GRID2: variants seen among roughly 807,000 people sequenced by gnomAD.
GRID2 encodes the protein glutamate ionotropic receptor delta type subunit 2, also known as glutamate receptor ionotropic, delta-2.
Under a neutral mutation model 114.8 loss-of-function variants are expected in GRID2, and 33 were observed. The ratio of observed to expected loss-of-function variants is 0.29; its 90% CI spans 0.22 to 0.38. The LOEUF (loss-of-function observed/expected upper bound fraction) is 0.38, where lower values mean the gene tolerates loss of function less well. Ranked by LOEUF, GRID2 falls within the 10% of genes least tolerant of loss-of-function variation. The probability of loss-of-function intolerance (pLI) is 1.00; values close to 1 mark genes in which losing one functional copy is unlikely to be tolerated. For missense variants in GRID2, 1,184 were observed against 1,257.7 expected (o/e 0.94, Z 0.89); for synonymous variants, 505 against 449.9 (o/e 1.12, Z -1.55).
chr4:92,684,734 C>A (rs939173730), intron 2 of GRID2, among the ~76,000 whole-genome samples: 4 of 151,984 alleles, frequency 2.6e-5, no homozygotes, highest in African/African-American at 7.2e-5. Flanking sequence ...GCAGTTTTAT[C>A]TACTCTAAAG....
intron 9 of GRID2, among the ~76,000 whole-genome samples, chr4:93,413,749 CAT>C (rs1265228858): frequency 6.6e-6 from 1 of 152,000 alleles, no homozygotes; most frequent in Non-Finnish European, 1.5e-5. Context: ...TTTTTCTTCT[CAT>C]AAATAATATT....
chr4:92,848,500 G>A (rs987913146), intron 2 of GRID2, among the ~76,000 whole-genome samples: 6 of 151,830 alleles, frequency 4.0e-5, no homozygotes, highest in Non-Finnish European at 7.4e-5. Context: ...AGCAACAAAC[G>A]ATCATCATGA....
intron 8 of GRID2, among the ~76,000 whole-genome samples, chr4:93,328,556 A>G (rs1758090950): frequency 6.6e-6 from 1 of 152,174 alleles, no homozygotes; most frequent in Admixed American, 6.6e-5. Flanking sequence ...ATTTATCACA[A>G]TCTAAAGCTA....
In GRID2 at chr4:93,418,032, C is replaced by T. The variant is rs748100943; in HGVS notation, c.1348-4739C>T. ...ATACTAGATAAATATTGATGTAATACGTAAAACCAAGTAATATTAACTTGT... is the reference window on the plus strand; with the variant it reads ...ATACTAGATAAATATTGATGTAATATGTAAAACCAAGTAATATTAACTTGT... On this transcript the variant is annotated intron_variant, in intron 9 of 15. Transcript: ENST00000282020. Among the ~76,000 whole-genome samples, 46 of 150,176 alleles carry T rather than the reference C, an allele frequency of 3.1e-4. 1 individual carries two copies. Among genetic ancestry groups the T allele is most frequent in the East Asian group, 1.9e-4 (1 of 5,132 alleles).
At chr4:93,113,467 A>G (rs17020188) in intron 4 of GRID2, among the ~76,000 whole-genome samples, 8,874 of 152,244 alleles carry the variant, frequency 0.058, 433 homozygotes, top group East Asian at 0.19. Context: ...CAGGAAAAAG[A>G]TCAGTGCTCG....
At chr4:93,548,578 A>C (rs1183897020) in intron 13 of GRID2, among the ~76,000 whole-genome samples, 2 of 152,226 alleles carry the variant, frequency 1.3e-5, no homozygotes, top group Non-Finnish European at 2.9e-5. Context: ...AACAGTACTC[A>C]ATGAAGGTAA....
At chr4:92,969,783 T>C (rs1024459407) in intron 2 of GRID2, among the ~76,000 whole-genome samples, 1 of 151,822 alleles carries the variant, frequency 6.6e-6, no homozygotes, top group Non-Finnish European at 1.5e-5. Context: ...CTACTATTCC[T>C]AGTACCAATA....
intron 8 of GRID2, among the ~76,000 whole-genome samples, chr4:93,305,028 T>C (rs1755271820): frequency 6.6e-6 from 1 of 152,206 alleles, no homozygotes; most frequent in African/African-American, 2.4e-5. Flanking sequence ...AAATTCATAA[T>C]GTGATAAATT....
chr4:93,555,051 G>A (rs572616083), intron 13 of GRID2, among the ~76,000 whole-genome samples: 1 of 152,218 alleles, frequency 6.6e-6, no homozygotes, highest in African/African-American at 2.4e-5. Flanking sequence ...GAGGGACTGT[G>A]CCATAAAGAA....
rs200455027 is a variant in GRID2, at chr4:93,110,888, C to A, written c.670C>A (p.Arg224=). Residue 224 remains arginine (R), a synonymous_variant, in exon 4 of 16, where the codon CGA becomes AGA. Transcript: ENST00000282020. ...GAGAATAGAAGAACTGAATCGCTAT[C>A]GAGACACTCTTAGGCGAGCGATCCT... ...TMRIEELNRY[R]DTLRRAILVM... 5.6e-6 allele frequency: 9 copies of A among 1,612,460 alleles called. No individual in the cohort carries two copies. The African/African-American group carries it at 1.1e-4, about 19-fold the overall frequency.
intron 14 of GRID2, among the ~76,000 whole-genome samples, chr4:93,665,521 C>A (rs776930907): frequency 6.6e-6 from 1 of 152,186 alleles, no homozygotes; most frequent in African/African-American, 2.4e-5. Context: ...AGCTGGTTCA[C>A]ACAAAACAGT....
At chr4:93,682,484 A>G (rs1175175713) in intron 14 of GRID2, among the ~76,000 whole-genome samples, 1 of 152,062 alleles carries the variant, frequency 6.6e-6, no homozygotes, top group Non-Finnish European at 1.5e-5. Flanking sequence ...ATGCACATGT[A>G]TGTTTATTGT....
intron 11 of GRID2, among the ~76,000 whole-genome samples, chr4:93,466,181 T>A (rs929928374): frequency 3.3e-5 from 5 of 152,170 alleles, no homozygotes; most frequent in Admixed American, 6.5e-5. Context: ...CTAAGCAATG[T>A]TCACAAACTG....
At chr4:92,657,786 C>T (rs1280659334) in intron 2 of GRID2, among the ~76,000 whole-genome samples, 1 of 151,470 alleles carries the variant, frequency 6.6e-6, no homozygotes. Context: ...ATAATACAGC[C>T]TTTGATAATG....
chr4:93,743,639 C>T (rs1436027807), intron 14 of GRID2, among the ~76,000 whole-genome samples: 4 of 152,210 alleles, frequency 2.6e-5, no homozygotes, highest in African/African-American at 7.2e-5. Context: ...GGGAATGTGC[C>T]AGACTCTTTT....
intron 2 of GRID2, among the ~76,000 whole-genome samples, chr4:92,767,754 A>T (rs1317844420): frequency 1.3e-5 from 2 of 152,014 alleles, no homozygotes; most frequent in Non-Finnish European, 2.9e-5. Flanking sequence ...ATAAAAAAGA[A>T]TTTCAAGCCA....
chr4:92,608,770 G>A lies in GRID2; in HGVS notation c.244+18484G>A, dbSNP rs184742960. ...TAAGTGAGATAATGTTTTAACATAA[G>A]TATTTTTATTGGTCTGATTATTACA... On this transcript the variant is annotated intron_variant, in intron 2 of 15. Transcript: ENST00000282020. 3.7e-3 allele frequency among the ~76,000 whole-genome samples: 557 copies of A among 151,804 alleles called. 1 individual carries two copies. The highest frequency in any genetic ancestry group is 6.3e-3 in the Non-Finnish European group (428 of 67,820).
At chr4:92,588,542 G>C (rs910070736) in intron 1 of GRID2, among the ~76,000 whole-genome samples, 5 of 151,670 alleles carry the variant, frequency 3.3e-5, no homozygotes, top group Non-Finnish European at 7.4e-5. Context: ...AGCTGGGCGC[G>C]GTGGCAGGTG....
At position 93,608,051 on chromosome 4, in the gene GRID2, T is replaced by TATA. The variant is rs528738427; in HGVS notation, c.2194-18217_2194-18215dup. ...CCAAATGTCTAACTTTACATATATATATATATACGTATATAAGTATATATA... is the reference window on the plus strand; with the variant it reads ...CCAAATGTCTAACTTTACATATATATATAATATATACGTATATAAGTATATATA... On this transcript the variant is annotated intron_variant, in intron 13 of 15. Coordinates refer to ENST00000282020, the MANE Select transcript of GRID2 (RefSeq NM_001510.4). Among the ~76,000 whole-genome samples the TATA allele has an allele frequency of 3.2e-3, 471 of 149,056 alleles. 4 individuals carry two copies. The highest frequency in any genetic ancestry group is 0.01 in the African/African-American group (426 of 40,922).
Sources: gnomAD v4.1 joint callset for allele counts (sites outside exome capture counted in the v4.1 genomes callset) on GRCh38, gnomAD v4.1.1 for gene constraint, MANE v1.5 for transcripts, NCBI Gene and HGNC (gene_info 2026-07-23, HGNC 2026-07-21) for gene names.